Variants in SCFD2 observed in about 807,000 individuals in gnomAD.
The protein encoded by SCFD2 is sec1 family domain containing 2.
SCFD2 carries 54 observed loss-of-function variants against 58.9 expected under a neutral mutation model. That is an observed-to-expected ratio of 0.92 (90% CI 0.74 to 1.15). The LOEUF (loss-of-function observed/expected upper bound fraction) is 1.15, where lower values mean the gene tolerates loss of function less well. SCFD2 is among the 50% of genes most tolerant of loss of function. The pLI, the probability that SCFD2 is intolerant of heterozygous loss-of-function variation, is 0.00. For synonymous variants in SCFD2, 321 were observed against 335.9 expected, an observed-to-expected ratio of 0.96 and a Z score of 0.49; for missense variants, 805 against 836.6, an observed-to-expected ratio of 0.96 and a Z score of 0.47.
chr4:53,000,067 C>T (rs1721830611), intron 5 of SCFD2, among the ~76,000 whole-genome samples: 1 of 152,186 alleles, frequency 6.6e-6, no homozygotes, highest in African/African-American at 2.4e-5. Context: ...AGGCACAGTG[C>T]CTGGGGCATA....
intron 2 of SCFD2, among the ~76,000 whole-genome samples, chr4:53,327,427 C>A (rs1733241858): frequency 6.6e-6 from 1 of 152,112 alleles, no homozygotes; most frequent in Admixed American, 6.5e-5. Context: ...GAGAAGGATA[C>A]CCACACCAAG....
At chr4:53,286,424 A>G (rs1191407194) in intron 3 of SCFD2, among the ~76,000 whole-genome samples, 1 of 152,112 alleles carries the variant, frequency 6.6e-6, no homozygotes, top group Admixed American at 6.5e-5. Context: ...TCCAGACTTC[A>G]GAGAAACCAC....
At chr4:52,962,673 A>T (rs365621) in intron 5 of SCFD2, among the ~76,000 whole-genome samples, 6 of 151,258 alleles carry the variant, frequency 4.0e-5, no homozygotes, top group Admixed American at 1.3e-4. Context: ...AATAGTTTAG[A>T]GGGGGGCAGC....
At chr4:53,276,906 T>C (rs1334781012) in intron 3 of SCFD2, among the ~76,000 whole-genome samples, 1 of 152,210 alleles carries the variant, frequency 6.6e-6, no homozygotes, top group Non-Finnish European at 1.5e-5. Flanking sequence ...AAAATTTCAT[T>C]TTCCTAATGA....
chr4:52,939,284 T>C (rs1720227524), intron 5 of SCFD2, among the ~76,000 whole-genome samples: 1 of 152,222 alleles, frequency 6.6e-6, no homozygotes, highest in Non-Finnish European at 1.5e-5. Context: ...ATTTACAGGT[T>C]ATCACACCTA....
chr4:53,255,197 T>TTTATTTATTTA (rs1553892849), intron 4 of SCFD2, among the ~76,000 whole-genome samples: 8 of 140,680 alleles, frequency 5.7e-5, no homozygotes, highest in Middle Eastern at 3.6e-3. Context: ...TTTTTTTCTT[T>TTTATTTATTTA]TTTATTTATT....
At chr4:53,317,065 C>CCA (rs1336685675) in intron 2 of SCFD2, among the ~76,000 whole-genome samples, 1 of 151,192 alleles carries the variant, frequency 6.6e-6, no homozygotes, top group Non-Finnish European at 1.5e-5. Context: ...CAAGATCATA[C>CCA]CACTGCACTC....
intron 5 of SCFD2, among the ~76,000 whole-genome samples, chr4:52,988,786 C>A (rs1721554867): frequency 6.6e-6 from 1 of 152,160 alleles, no homozygotes. Context: ...TAGGATACAA[C>A]CACTCTAGCA....
chr4:53,186,942 A>G (rs1237585607), intron 4 of SCFD2, among the ~76,000 whole-genome samples: 1 of 152,124 alleles, frequency 6.6e-6, no homozygotes, highest in Non-Finnish European at 1.5e-5. Flanking sequence ...AACGCATGAC[A>G]TAATGTCTTC....
At chr4:52,996,772 T>C (rs886685307) in intron 5 of SCFD2, among the ~76,000 whole-genome samples, 1 of 152,218 alleles carries the variant, frequency 6.6e-6, no homozygotes, top group Admixed American at 6.5e-5. Flanking sequence ...TCTGCATCTG[T>C]TACTTTTCCC....
At chr4:52,906,383 T>C (rs965927480) in intron 7 of SCFD2, among the ~76,000 whole-genome samples, 8 of 152,340 alleles carry the variant, frequency 5.3e-5, no homozygotes, top group African/African-American at 1.9e-4. Flanking sequence ...GTGTCTAGTC[T>C]GGAAGTTTCT....
chr4:53,309,138 A>C (rs1395944191), intron 3 of SCFD2, among the ~76,000 whole-genome samples: 1 of 152,134 alleles, frequency 6.6e-6, no homozygotes, highest in Non-Finnish European at 1.5e-5. Flanking sequence ...GTCTCAAAAA[A>C]AAAAAAAGAG....
At chr4:52,993,766 G>GT (rs1348315856) in intron 5 of SCFD2, among the ~76,000 whole-genome samples, 2 of 152,234 alleles carry the variant, frequency 1.3e-5, no homozygotes, top group African/African-American at 4.8e-5. Flanking sequence ...TGGAATCATT[G>GT]TAACTCTCTA....
intron 8 of SCFD2, among the ~76,000 whole-genome samples, chr4:52,883,933 C>T (rs1718676320): frequency 6.6e-6 from 1 of 152,140 alleles, no homozygotes; most frequent in African/African-American, 2.4e-5. Context: ...CTCTAGGTAC[C>T]CAGGTCCCAT....
At chr4:53,221,569 A>T (rs1041917698) in intron 4 of SCFD2, among the ~76,000 whole-genome samples, 3 of 152,194 alleles carry the variant, frequency 2.0e-5, no homozygotes, top group Non-Finnish European at 4.4e-5. Flanking sequence ...TCCAATAGTG[A>T]TTTGTGACAT....
intron 4 of SCFD2, among the ~76,000 whole-genome samples, chr4:53,200,872 A>G (rs1369632685): frequency 6.6e-6 from 1 of 152,092 alleles, no homozygotes; most frequent in South Asian, 2.1e-4. Flanking sequence ...TGCACATTAA[A>G]TTTTTCACTA....
intron 8 of SCFD2, among the ~76,000 whole-genome samples, chr4:52,878,217 T>C (rs541416684): frequency 6.6e-6 from 1 of 152,308 alleles, no homozygotes; most frequent in East Asian, 1.9e-4. Context: ...TAGCAGGTCT[T>C]TGATTGAGTC....
intron 6 of SCFD2, among the ~76,000 whole-genome samples, chr4:52,914,937 A>C (rs1719568303): frequency 6.6e-6 from 1 of 152,172 alleles, no homozygotes; most frequent in Non-Finnish European, 1.5e-5. Flanking sequence ...TGAAGTTTCA[A>C]GAAATGAATC....
At position 52,896,845 on chromosome 4, in the gene SCFD2, G is replaced by T. The variant is rs545645473; in HGVS notation, c.1842+10612C>A. Among the ~76,000 whole-genome samples, 8 of 152,260 alleles carry T rather than the reference G, an allele frequency of 5.3e-5. No individual in the cohort carries two copies. The South Asian group carries it at 1.7e-3, about 32-fold the overall frequency. On this transcript the variant is annotated intron_variant, in intron 7 of 8. Transcript: ENST00000401642. Reference sequence around the variant, plus strand: ...ATCCTCTTTTATTTCACTGAGCAGTGGTTTGTAGTTCTCCTTGAAGAGGTC... The same window carrying T: ...ATCCTCTTTTATTTCACTGAGCAGTTGTTTGTAGTTCTCCTTGAAGAGGTC...
Sources: gnomAD v4.1 joint callset for allele counts (sites outside exome capture counted in the v4.1 genomes callset) on GRCh38, gnomAD v4.1.1 for gene constraint, MANE v1.5 for transcripts, NCBI Gene and HGNC (gene_info 2026-07-23, HGNC 2026-07-21) for gene names.